IPMK: variants seen among roughly 807,000 people sequenced by gnomAD.
IPMK encodes inositol polyphosphate multikinase, also known as inositol 1,3,4,6-tetrakisphosphate 5-kinase.
A neutral mutation model predicts 45.8 loss-of-function variants in IPMK; 17 were observed. That is an observed-to-expected ratio of 0.37 (90% CI 0.25 to 0.56). The LOEUF is 0.56. Among genes scored for constraint, IPMK ranks in the 20% least tolerant of loss-of-function variants. IPMK has a pLI of 0.79. For synonymous variants in IPMK, 180 were observed against 184.3 expected (o/e 0.98, Z 0.19); for missense variants, 399 against 498.0 (o/e 0.80, Z 1.89).
intron 4 of IPMK, among the ~76,000 whole-genome samples, chr10:58,202,729 T>A (rs1319402694): frequency 6.6e-6 from 1 of 152,092 alleles, no homozygotes; most frequent in Non-Finnish European, 1.5e-5. Flanking sequence ...AGCACATCTG[T>A]TTATAGCATG....
At chr10:58,258,385 G>C (rs896061663) in intron 1 of IPMK, among the ~76,000 whole-genome samples, 1 of 152,126 alleles carries the variant, frequency 6.6e-6, no homozygotes, top group Admixed American at 6.5e-5. Flanking sequence ...TGACCAAATT[G>C]ACACCTGCAG....
intron 1 of IPMK, among the ~76,000 whole-genome samples, chr10:58,243,667 A>G (rs375998460): frequency 3.3e-5 from 5 of 152,164 alleles, no homozygotes; most frequent in African/African-American, 7.2e-5. Context: ...CGCTCACTCA[A>G]TGCTCAATGT....
intron 1 of IPMK, among the ~76,000 whole-genome samples, chr10:58,245,099 C>T (rs922349916): frequency 4.1e-5 from 6 of 145,952 alleles, no homozygotes; most frequent in Non-Finnish European, 7.6e-5. Flanking sequence ...TTAAAAAATA[C>T]AAAAAGGAAA....
At chr10:58,230,997 C>T (rs1036518579) in intron 2 of IPMK, among the ~76,000 whole-genome samples, 1 of 152,102 alleles carries the variant, frequency 6.6e-6, no homozygotes, top group African/African-American at 2.4e-5. Flanking sequence ...CCTGATGGGG[C>T]TGAAAACCAT....
intron 3 of IPMK, among the ~76,000 whole-genome samples, chr10:58,217,809 G>A (rs1265972063): frequency 6.6e-6 from 1 of 151,358 alleles, no homozygotes; most frequent in Non-Finnish European, 1.5e-5. Flanking sequence ...TACTATCAGT[G>A]AACATGACAA....
At chr10:58,219,318 C>A (rs1335690374) in intron 3 of IPMK, among the ~76,000 whole-genome samples, 1 of 152,136 alleles carries the variant, frequency 6.6e-6, no homozygotes, top group Non-Finnish European at 1.5e-5. Flanking sequence ...GAATGCGATA[C>A]CATGTCTTTC....
At position 58,195,911 on chromosome 10, in the gene IPMK, T is replaced by C. The variant is rs764920891; in HGVS notation, c.*165A>G. 4.6e-6 allele frequency: 3 copies of C among 648,208 alleles called. No homozygotes were observed. The highest frequency in any genetic ancestry group is 7.8e-6 in the Non-Finnish European group (3 of 386,164). The allele number at this position is 648,208 out of a possible 1,614,324, so 40.2% of individuals were successfully genotyped here. On this transcript the variant is annotated 3_prime_UTR_variant, in exon 6 of 6. Coordinates refer to ENST00000373935, the MANE Select transcript of IPMK (RefSeq NM_152230.5). The stretch of plus-strand genomic sequence containing the variant: ...TTTCTAATGAACAAATAGTTAGTTT[T>C]CCTGAGTAAGATTATAAAAAAGTTA...
intron 3 of IPMK, among the ~76,000 whole-genome samples, chr10:58,219,826 T>C (rs1588957939): frequency 2.0e-5 from 3 of 152,352 alleles, no homozygotes; most frequent in Admixed American, 2.0e-4. Context: ...TGTAAAAATG[T>C]ATTTATTACG....
intron 4 of IPMK, among the ~76,000 whole-genome samples, chr10:58,206,016 C>A (rs1838065070): frequency 6.6e-6 from 1 of 152,086 alleles, no homozygotes; most frequent in Admixed American, 6.6e-5. Context: ...ATGTTCATAA[C>A]AGTTATTAGT....
chr10:58,241,292 G>A (rs940022793), intron 1 of IPMK, among the ~76,000 whole-genome samples: 7 of 152,106 alleles, frequency 4.6e-5, no homozygotes, highest in African/African-American at 1.7e-4. Flanking sequence ...GACAATAGAG[G>A]ATACCTCTGC....
chr10:58,259,286 A>G (rs2590356), intron 1 of IPMK, among the ~76,000 whole-genome samples: 51,361 of 151,894 alleles, frequency 0.34, 10,917 homozygotes, highest in African/African-American at 0.61. Context: ...GGAATGTGGA[A>G]TATCTTTTTA....
At chr10:58,221,053 A>G (rs770601692) in intron 3 of IPMK, among the ~76,000 whole-genome samples, 9 of 152,208 alleles carry the variant, frequency 5.9e-5, no homozygotes, top group African/African-American at 1.2e-4. Flanking sequence ...TCATAACTCA[A>G]TTATGCACTT....
chr10:58,202,749 A>G (rs1043170834), intron 4 of IPMK, among the ~76,000 whole-genome samples: 5 of 152,186 alleles, frequency 3.3e-5, no homozygotes, highest in African/African-American at 1.2e-4. Context: ...GGTTTACTGA[A>G]TATTTTCAGC....
At chr10:58,220,164 T>C (rs1348672312) in intron 3 of IPMK, among the ~76,000 whole-genome samples, 1 of 152,172 alleles carries the variant, frequency 6.6e-6, no homozygotes, top group Non-Finnish European at 1.5e-5. Flanking sequence ...TGACTGGTAC[T>C]GTAACATGTA....
chr10:58,249,220 A>G (rs1053060111), intron 1 of IPMK, among the ~76,000 whole-genome samples: 4 of 152,132 alleles, frequency 2.6e-5, no homozygotes, highest in African/African-American at 9.7e-5. Flanking sequence ...AAAAAGATGT[A>G]TATGTTGTTG....
intron 1 of IPMK, among the ~76,000 whole-genome samples, chr10:58,266,391 G>GA (rs1454608544): frequency 2.0e-5 from 3 of 152,144 alleles, no homozygotes; most frequent in Non-Finnish European, 4.4e-5. Context: ...AATACATGGT[G>GA]AAAAAATACA....
chr10:58,246,237 T>C (rs1393336316), intron 1 of IPMK, among the ~76,000 whole-genome samples: 1 of 149,668 alleles, frequency 6.7e-6, no homozygotes, highest in Admixed American at 6.6e-5. Flanking sequence ...CCCAAGGTAA[T>C]TTACAGATTC....
rs182040233 is a variant in IPMK, at chr10:58,196,543, G to T, written c.784C>A (p.Gln262Lys). The T allele has an allele frequency of 5.6e-5, 90 of 1,613,974 alleles. No homozygotes were observed. In the East Asian group the frequency reaches 1.8e-3, roughly 32 times the overall value. ...SLLFVYEGSS[Q>K]PTTTKLNDRT... ...TCATTCAATTTTGTAGTGGTTGGCTGAGATGAACCTTCATAAACAAAGAGT... is the reference window on the plus strand; with the variant it reads ...TCATTCAATTTTGTAGTGGTTGGCTTAGATGAACCTTCATAAACAAAGAGT... Residue 262 changes from glutamine to lysine, a missense_variant, in exon 6 of 6, where the codon CAG becomes AAG. Transcript: ENST00000373935.
chr10:58,195,465 T>C lies in IPMK; in HGVS notation c.*611A>G, dbSNP rs892727804. 2.0e-5 allele frequency: 3 copies of C among 152,232 alleles called. No individual in the cohort carries two copies. The East Asian group carries it at 5.8e-4, about 29-fold the overall frequency. 9.4% of individuals were successfully genotyped at this position (152,232 alleles called of 1,614,324 possible). A position where few individuals can be genotyped will look rare whatever the true frequency, so the allele number is the denominator to read the frequency against. On this transcript the variant is annotated 3_prime_UTR_variant, in exon 6 of 6. Transcript: ENST00000373935. ...ATTGTCTTTTTCATGAAGTATAATA[T>C]TTTGAGAGAGAGATGTAAAAATTAA...
Sources: allele counts gnomAD v4.1 joint callset (sites outside exome capture counted in the v4.1 genomes callset), GRCh38; gene constraint gnomAD v4.1.1; transcripts MANE v1.5; gene names NCBI Gene and HGNC (gene_info 2026-07-23, HGNC 2026-07-21).